Variants in TMCO4 observed in about 807,000 individuals in gnomAD.
TMCO4 encodes transmembrane and coiled-coil domains 4, also known as transmembrane and coiled-coil domain-containing protein 4.
In TMCO4, 58 loss-of-function variants were observed where a neutral mutation model predicts 64.7. The ratio of observed to expected loss-of-function variants is 0.90; its 90% confidence interval spans 0.73 to 1.12. The LOEUF (loss-of-function observed/expected upper bound fraction) is 1.12. TMCO4 is among the 50% of genes most tolerant of loss of function. TMCO4 has a pLI of 0.00. For missense variants in TMCO4, 780 were observed against 825.9 expected, an observed-to-expected ratio of 0.94 and a Z score of 0.68; for synonymous variants, 325 against 346.1, an observed-to-expected ratio of 0.94 and a Z score of 0.68.
intron 2 of TMCO4, among the ~76,000 whole-genome samples, chr1:19,792,100 A>G: frequency 6.6e-6 from 1 of 152,152 alleles, no homozygotes; most frequent in East Asian, 1.9e-4. Context: ...AATCACACGG[A>G]ACTATGCGTC....
chr1:19,745,375 G>T, intron 10 of TMCO4, 157 bp downstream of exon 10: 1 of 1,141,034 alleles, frequency 8.8e-7, no homozygotes, highest in Non-Finnish European at 1.2e-6. Context: ...GGACAGATGT[G>T]AGATGAAGTT....
intron 2 of TMCO4, among the ~76,000 whole-genome samples, chr1:19,794,934 T>C (rs757830058): frequency 2.7e-5 from 4 of 150,828 alleles, no homozygotes; most frequent in Non-Finnish European, 4.4e-5. Flanking sequence ...GTATGAGGAG[T>C]AGTCAAATTC....
chr1:19,770,421 C>T (rs2042929528), intron 6 of TMCO4, 121 bp downstream of exon 6: 1 of 1,051,698 alleles, frequency 9.5e-7, no homozygotes, highest in Admixed American at 1.7e-5. Context: ...GGTTCCTTTC[C>T]TTCCTGAAGT....
chr1:19,759,303 C>T (rs955543816), intron 6 of TMCO4, among the ~76,000 whole-genome samples: 1 of 152,012 alleles, frequency 6.6e-6, no homozygotes, highest in Non-Finnish European at 1.5e-5. Flanking sequence ...CCACAGCCCT[C>T]GCTCTCCAAC....
At chr1:19,777,642 C>G (rs1162547573) in intron 4 of TMCO4, among the ~76,000 whole-genome samples, 1 of 152,178 alleles carries the variant, frequency 6.6e-6, no homozygotes, top group Non-Finnish European at 1.5e-5. Flanking sequence ...GCCACTGCGC[C>G]CAGCGCCAAA....
Position 19,746,526 on chromosome 1 carries a change from C to A in TMCO4, c.687G>T (p.Ala229=), listed in dbSNP as rs34281331. The A allele has an allele frequency of 7.4e-6, 12 of 1,611,562 alleles. No individual in the cohort carries two copies. In the African/African-American group the frequency reaches 1.5e-4, roughly 20 times the overall value. The part of the protein sequence containing the change: ...AATIIGSAGA[A]ALGSAAGIAI... ...CTATGCCGGCTGCTGAGCCCAGAGC[C>A]GCTGCCCCGGCGCTGCCAATAATCG... The change falls in exon 9 of 16, where the codon GCG becomes GCT. Residue 229 remains alanine (A), a synonymous_variant. Coordinates refer to ENST00000294543, the MANE Select transcript of TMCO4 (RefSeq NM_181719.7).
chr1:19,755,158 C>T (rs1274186422), intron 7 of TMCO4, among the ~76,000 whole-genome samples: 1 of 152,180 alleles, frequency 6.6e-6, no homozygotes, highest in Non-Finnish European at 1.5e-5. Flanking sequence ...AAGAGTCTCA[C>T]TCTGTCACCC....
chr1:19,798,049 G>T (rs181127790), intron 2 of TMCO4, 88 bp downstream of exon 2: 1 of 177,010 alleles, frequency 5.6e-6, no homozygotes, highest in African/African-American at 2.4e-5. Flanking sequence ...GCCAGAGCGG[G>T]GTTTTAGGCA....
At chr1:19,797,946 GAGAA>G (rs1464872739) in intron 2 of TMCO4, 187 bp downstream of exon 2, 1 of 150,056 alleles carries the variant, frequency 6.7e-6, no homozygotes, top group Non-Finnish European at 1.3e-5. Context: ...GAGAAAGAGA[GAGAA>G]AGAGAGAGAA....
intron 13 of TMCO4, among the ~76,000 whole-genome samples, chr1:19,736,239 G>C (rs1239817570): frequency 6.6e-6 from 1 of 152,162 alleles, no homozygotes; most frequent in Non-Finnish European, 1.5e-5. Context: ...GCGTGCAGGG[G>C]AACTGCCCTT....
At chr1:19,754,469 A>C (rs2042155586) in intron 7 of TMCO4, among the ~76,000 whole-genome samples, 1 of 152,118 alleles carries the variant, frequency 6.6e-6, no homozygotes, top group Non-Finnish European at 1.5e-5. Flanking sequence ...TCTTTGCTCC[A>C]CTAACCGTGG....
At chr1:19,710,987 A>C (rs1265172180) in intron 13 of TMCO4, among the ~76,000 whole-genome samples, 2 of 152,226 alleles carry the variant, frequency 1.3e-5, no homozygotes, top group South Asian at 2.1e-4. Flanking sequence ...CACACTTTCT[A>C]GTCTTTGATG....
intron 7 of TMCO4, among the ~76,000 whole-genome samples, chr1:19,753,516 G>A (rs1007856229): frequency 3.3e-5 from 5 of 152,126 alleles, no homozygotes; most frequent in African/African-American, 9.7e-5. Context: ...GGGGTGGTAC[G>A]TCACACTCTA....
At chr1:19,727,732 T>C (rs2095414567) in intron 13 of TMCO4, among the ~76,000 whole-genome samples, 1 of 152,176 alleles carries the variant, frequency 6.6e-6, no homozygotes, top group Non-Finnish European at 1.5e-5. Context: ...GGAAGATAAA[T>C]CGTGTTAAAG....
At position 19,683,091 on chromosome 1, in the gene TMCO4, G is replaced by A. The variant is rs2095115065; in HGVS notation, c.1854C>T (p.Gly618=). The A allele has an allele frequency of 6.2e-7, 1 of 1,609,884 alleles. No individual in the cohort carries two copies. Among genetic ancestry groups the A allele is most frequent in the Non-Finnish European group, 8.5e-7 (1 of 1,178,112 alleles). The change falls in exon 16 of 16, where the codon GGC becomes GGT. Residue 618 remains glycine (G), a synonymous_variant. Coordinates refer to ENST00000294543, the MANE Select transcript of TMCO4 (RefSeq NM_181719.7). ...CSHGMDPNPL[G]CPDCACKTQG... ...GGGTCTTGCAGGCACAATCGGGGCA[G>A]CCCAGTGGGTTGGGGTCCATGCCAT...
At chr1:19,757,443 GC>G (rs35080007) in intron 6 of TMCO4, among the ~76,000 whole-genome samples, 24,385 of 152,022 alleles carry the variant, frequency 0.16, 2,470 homozygotes, top group East Asian at 0.39. Context: ...ATTGCATTAG[GC>G]CTATCTGGAA....
chr1:19,785,254 T>C (rs1177097304), intron 3 of TMCO4, among the ~76,000 whole-genome samples: 4 of 152,260 alleles, frequency 2.6e-5, no homozygotes, highest in African/African-American at 9.6e-5. Context: ...TTTTGCAATT[T>C]AATAGCAAGA....
intron 13 of TMCO4, among the ~76,000 whole-genome samples, chr1:19,708,180 C>T (rs2095311952): frequency 6.6e-6 from 1 of 152,120 alleles, no homozygotes; most frequent in South Asian, 2.1e-4. Context: ...CTGTCACATG[C>T]TGAACCATTC....
intron 13 of TMCO4, among the ~76,000 whole-genome samples, chr1:19,708,402 T>TAA (rs58397449): frequency 3.0e-5 from 4 of 132,320 alleles, no homozygotes; most frequent in Non-Finnish European, 3.4e-5. Context: ...AATACATAAA[T>TAA]AAAAAAAAAA....
Sources: allele counts gnomAD v4.1 joint callset (sites outside exome capture counted in the v4.1 genomes callset), GRCh38; gene constraint gnomAD v4.1.1; transcripts MANE v1.5; gene names NCBI Gene and HGNC (gene_info 2026-07-23, HGNC 2026-07-21).